The following CCSER1 variants were observed in gnomAD, a reference collection of about 807,000 sequenced individuals.
CCSER1 encodes coiled-coil serine rich protein 1, also known as serine-rich coiled-coil domain-containing protein 1.
CCSER1 carries 41 observed loss-of-function variants against 82.0 expected under a neutral mutation model. The ratio of observed to expected loss-of-function variants is 0.50; its 90% CI spans 0.39 to 0.65. The LOEUF is 0.65. Ranked by LOEUF, CCSER1 falls within the 30% of genes least tolerant of loss-of-function variation. CCSER1 has a pLI of 0.00. For synonymous variants in CCSER1, 414 were observed against 383.9 expected (o/e 1.08, Z -0.92); for missense variants, 1,119 against 1,064.2 (o/e 1.05, Z -0.72).
chr4:91,452,893 T>C (rs1755946296), intron 10 of CCSER1, among the ~76,000 whole-genome samples: 1 of 152,112 alleles, frequency 6.6e-6, no homozygotes, highest in Non-Finnish European at 1.5e-5. Flanking sequence ...GAAAATAAGA[T>C]CACTAAACCT....
chr4:91,558,327 A>G (rs993019252), intron 10 of CCSER1, among the ~76,000 whole-genome samples: 6 of 151,686 alleles, frequency 4.0e-5, no homozygotes, highest in African/African-American at 1.4e-4. Flanking sequence ...CTTCCTCAAC[A>G]TAGCTAGCGT....
intron 10 of CCSER1, among the ~76,000 whole-genome samples, chr4:91,114,645 G>A (rs2148878979): frequency 6.6e-6 from 1 of 152,250 alleles, no homozygotes; most frequent in Middle Eastern, 3.4e-3. Context: ...GCAGTTGGTG[G>A]CACAAAAGCA....
chr4:90,971,065 A>G (rs1213558547), intron 9 of CCSER1, among the ~76,000 whole-genome samples: 2 of 151,966 alleles, frequency 1.3e-5, no homozygotes, highest in South Asian at 4.1e-4. Context: ...AATAGTAAAT[A>G]TTACAGCAGA....
intron 10 of CCSER1, among the ~76,000 whole-genome samples, chr4:91,148,200 A>C (rs1240537571): frequency 6.6e-6 from 1 of 152,194 alleles, no homozygotes; most frequent in African/African-American, 2.4e-5. Context: ...TTTTTACATT[A>C]GTGATGGGAC....
chr4:90,194,465 T>G (rs544684557), intron 1 of CCSER1, among the ~76,000 whole-genome samples: 2 of 152,184 alleles, frequency 1.3e-5, no homozygotes, highest in East Asian at 3.9e-4. Context: ...CATACTTCAG[T>G]GATGATAGGT....
rs566513822 is a variant in CCSER1 at position 91,490,967 on chromosome 4, TA to T, written c.2218-107597del. On this transcript the variant is annotated intron_variant, in intron 10 of 10. Transcript: ENST00000509176. The stretch of plus-strand genomic sequence containing the variant: ...CTATGTACCCATAAAAATTAAAAAT[TA>T]AAAAAAATAAGCAAAAAGGCCAATA... 1.8e-3 allele frequency among the ~76,000 whole-genome samples: 199 copies of T among 107,942 alleles called. 1 individual carries two copies. The highest frequency in any genetic ancestry group is 6.0e-3 in the African/African-American group (175 of 29,248). The allele number at this position is 107,942 out of a possible 152,430, so 70.8% of individuals were successfully genotyped here. A position where few individuals can be genotyped will look rare whatever the true frequency, so the allele number is the denominator to read the frequency against.
chr4:90,795,542 G>A (rs576823204), intron 7 of CCSER1, among the ~76,000 whole-genome samples: 1 of 152,298 alleles, frequency 6.6e-6, no homozygotes, highest in South Asian at 2.1e-4. Flanking sequence ...TTGAATAGGA[G>A]TGGTGAGAGA....
intron 10 of CCSER1, among the ~76,000 whole-genome samples, chr4:91,157,486 A>C (rs2148967744): frequency 6.6e-6 from 1 of 151,996 alleles, no homozygotes; most frequent in Non-Finnish European, 1.5e-5. Context: ...TTAGGATTTA[A>C]ATGTGTTATT....
chr4:90,612,790 A>G (rs1269103812), intron 5 of CCSER1, among the ~76,000 whole-genome samples: 1 of 152,132 alleles, frequency 6.6e-6, no homozygotes. Flanking sequence ...TTTGGATAAT[A>G]CGTACTCTGT....
At chr4:91,332,461 A>C (rs2149277814) in intron 10 of CCSER1, among the ~76,000 whole-genome samples, 1 of 151,986 alleles carries the variant, frequency 6.6e-6, no homozygotes, top group Admixed American at 6.6e-5. Context: ...GGAATAATGG[A>C]AAATTGTCAT....
intron 7 of CCSER1, among the ~76,000 whole-genome samples, chr4:90,763,690 T>G (rs1247053816): frequency 6.6e-6 from 1 of 152,100 alleles, no homozygotes; most frequent in Non-Finnish European, 1.5e-5. Flanking sequence ...TGTAAGCACT[T>G]TGGGAAGAAC....
chr4:90,799,888 G>T (rs1199490154), intron 7 of CCSER1, among the ~76,000 whole-genome samples: 1 of 152,166 alleles, frequency 6.6e-6, no homozygotes, highest in Non-Finnish European at 1.5e-5. Flanking sequence ...GTGATTCAGA[G>T]GCCCATGGTG....
chr4:91,502,805 T>G (rs564588087), intron 10 of CCSER1, among the ~76,000 whole-genome samples: 2 of 152,314 alleles, frequency 1.3e-5, no homozygotes, highest in African/African-American at 4.8e-5. Flanking sequence ...CTCCAAACAG[T>G]GCCTGACTTG....
At chr4:90,294,736 T>G (rs1731540695) in intron 1 of CCSER1, among the ~76,000 whole-genome samples, 3 of 152,066 alleles carry the variant, frequency 2.0e-5, no homozygotes, top group Non-Finnish European at 4.4e-5. Flanking sequence ...TCATTCTGAT[T>G]GTTGAAGCAT....
intron 1 of CCSER1, among the ~76,000 whole-genome samples, chr4:90,259,994 G>A (rs993789259): frequency 2.0e-5 from 3 of 152,106 alleles, no homozygotes; most frequent in African/African-American, 7.2e-5. Flanking sequence ...ATGACTTAGG[G>A]AAGATTCTCT....
intron 3 of CCSER1, among the ~76,000 whole-genome samples, chr4:90,342,634 G>A (rs1741599958): frequency 6.6e-6 from 1 of 152,070 alleles, no homozygotes; most frequent in African/African-American, 2.4e-5. Context: ...CCATAGCACC[G>A]AGTATCCCTC....
chr4:91,338,978 A>T (rs955700300), intron 10 of CCSER1, among the ~76,000 whole-genome samples: 2 of 152,168 alleles, frequency 1.3e-5, no homozygotes, highest in South Asian at 4.1e-4. Flanking sequence ...TTCCTTTACC[A>T]TTCAATTTCT....
intron 6 of CCSER1, among the ~76,000 whole-genome samples, chr4:90,713,946 T>C (rs1741133275): frequency 6.6e-6 from 1 of 152,060 alleles, no homozygotes; most frequent in East Asian, 1.9e-4. Context: ...CTACCTGTGA[T>C]TGAATTGTGA....
intron 4 of CCSER1, among the ~76,000 whole-genome samples, chr4:90,404,441 G>A (rs550545314): frequency 2.4e-4 from 37 of 152,152 alleles, no homozygotes; most frequent in East Asian, 9.7e-4. Flanking sequence ...CCCTTCCCAC[G>A]GCCTGAGAAA....
Sources: gnomAD v4.1 joint callset for allele counts (sites outside exome capture counted in the v4.1 genomes callset) on GRCh38, gnomAD v4.1.1 for gene constraint, MANE v1.5 for transcripts, NCBI Gene and HGNC (gene_info 2026-07-23, HGNC 2026-07-21) for gene names.